Variants in ZZZ3 observed in about 807,000 individuals in gnomAD.
ZZZ3 encodes the protein zinc finger ZZ-type containing 3.
Under a neutral mutation model 95.2 loss-of-function variants are expected in ZZZ3, and 22 were observed. The ratio of observed to expected loss-of-function variants is 0.23; its 90% CI spans 0.17 to 0.33. ZZZ3 has a LOEUF of 0.33. Ranked by LOEUF, ZZZ3 falls within the 10% of genes least tolerant of loss-of-function variation. The probability of loss-of-function intolerance (pLI) is 1.00; values close to 1 mark genes in which losing one functional copy is unlikely to be tolerated. For missense variants in ZZZ3, 885 were observed against 1,066.5 expected (o/e 0.83, Z 2.37); for synonymous variants, 335 against 358.9 (o/e 0.93, Z 0.75).
chr1:77,661,575 G>A (rs1004283059), intron 1 of ZZZ3, among the ~76,000 whole-genome samples: 1 of 152,150 alleles, frequency 6.6e-6, no homozygotes, highest in African/African-American at 2.4e-5. Flanking sequence ...ATGATTAAGG[G>A]CATTGCAGTT....
chr1:77,665,522 T>C (rs1396309963), intron 1 of ZZZ3, among the ~76,000 whole-genome samples: 5 of 152,172 alleles, frequency 3.3e-5, no homozygotes, highest in African/African-American at 1.2e-4. Context: ...TCCTAAATAT[T>C]TTTAAGTTCC....
intron 1 of ZZZ3, among the ~76,000 whole-genome samples, chr1:77,667,763 CTT>C (rs34939314): frequency 2.9e-3 from 331 of 115,070 alleles, no homozygotes; most frequent in African/African-American, 8.7e-3. Context: ...AATGGGTATT[CTT>C]TTTTTTTTTT....
chr1:77,566,123 G>C lies in ZZZ3; in HGVS notation c.2525C>G (p.Pro842Arg), dbSNP rs947684521. ...QGVRWHCQDC[P>R]PEMSLDFCDS... ...ACAGAAATCCAAAGACATTTCTGGA[G>C]GACAATCCTGGCAATGCCACCGAAC... The change falls in exon 14 of 15, where the codon CCT becomes CGT. Residue 842 changes from proline to arginine, a missense_variant. Pro to Arg is a moderately radical substitution (Grantham distance 103). Coordinates refer to ENST00000370801, the MANE Select transcript of ZZZ3 (RefSeq NM_015534.6). 9 of 1,613,254 alleles carry C rather than the reference G, an allele frequency of 5.6e-6. No individual in the cohort carries two copies. In the African/African-American group the frequency reaches 1.1e-4, roughly 19 times the overall value.
At chr1:77,607,919 CAAAAA>C (rs552924354) in intron 5 of ZZZ3, among the ~76,000 whole-genome samples, 1 of 56,986 alleles carries the variant, frequency 1.8e-5, no homozygotes, top group Non-Finnish European at 3.5e-5. Context: ...GACTCTGTCT[CAAAAA>C]AAAAAAAAAA....
At chr1:77,644,257 G>T (rs923226984) in intron 1 of ZZZ3, among the ~76,000 whole-genome samples, 1 of 151,942 alleles carries the variant, frequency 6.6e-6, no homozygotes, top group African/African-American at 2.4e-5. Flanking sequence ...GTAGAGATGG[G>T]GTTTTGCCAT....
At chr1:77,611,232 C>A (rs1333083481) in intron 5 of ZZZ3, among the ~76,000 whole-genome samples, 158 of 57,152 alleles carry the variant, frequency 2.8e-3, no homozygotes, top group South Asian at 6.0e-3. Context: ...AAATACCTAC[C>A]AAAAAAAAAA....
At chr1:77,611,048 A>G (rs1665744248) in intron 5 of ZZZ3, among the ~76,000 whole-genome samples, 1 of 151,984 alleles carries the variant, frequency 6.6e-6, no homozygotes, top group Non-Finnish European at 1.5e-5. Flanking sequence ...TGCAGATGAC[A>G]TGATCTTATA....
intron 1 of ZZZ3, among the ~76,000 whole-genome samples, chr1:77,652,676 T>C (rs895878271): frequency 1.3e-5 from 2 of 152,178 alleles, no homozygotes; most frequent in Non-Finnish European, 2.9e-5. Context: ...TCATAATAGT[T>C]ATAAAGTGGA....
At chr1:77,611,319 C>T (rs190341483) in intron 5 of ZZZ3, among the ~76,000 whole-genome samples, 12 of 148,218 alleles carry the variant, frequency 8.1e-5, no homozygotes, top group South Asian at 2.1e-4. Flanking sequence ...AAGAACTCTA[C>T]GCTGAAAACT....
intron 11 of ZZZ3, among the ~76,000 whole-genome samples, chr1:77,577,847 C>G (rs1300234173): frequency 2.0e-5 from 3 of 152,186 alleles, no homozygotes; most frequent in Non-Finnish European, 4.4e-5. Context: ...TCTTGAACTC[C>G]TGACCTCGTG....
chr1:77,598,442 T>A (rs938819024), intron 5 of ZZZ3, among the ~76,000 whole-genome samples: 1 of 152,084 alleles, frequency 6.6e-6, no homozygotes, highest in Non-Finnish European at 1.5e-5. Flanking sequence ...AATTTGCACA[T>A]AAGTGGACCT....
chr1:77,579,497 C>T, intron 10 of ZZZ3, 30 bp downstream of exon 10: 1 of 1,496,890 alleles, frequency 6.7e-7, no homozygotes, highest in Non-Finnish European at 9.2e-7. Context: ...CAAAAGCATA[C>T]CAGCAATCTG....
intron 1 of ZZZ3, among the ~76,000 whole-genome samples, chr1:77,653,872 T>G (rs554626566): frequency 6.6e-6 from 1 of 151,976 alleles, no homozygotes; most frequent in East Asian, 1.9e-4. Flanking sequence ...ACTCAAGAAA[T>G]TATTTCTTAA....
intron 5 of ZZZ3, among the ~76,000 whole-genome samples, chr1:77,616,140 T>TC (rs1176895637): frequency 6.6e-6 from 1 of 152,114 alleles, no homozygotes; most frequent in Non-Finnish European, 1.5e-5. Flanking sequence ...CATGACTCTT[T>TC]CCCCCCTCAA....
chr1:77,670,692 T>G (rs1671697229), intron 1 of ZZZ3, among the ~76,000 whole-genome samples: 2 of 151,326 alleles, frequency 1.3e-5, no homozygotes, highest in Admixed American at 6.6e-5. Flanking sequence ...CAGACTTATA[T>G]GAAAGTTATC....
At chr1:77,626,630 G>C (rs2100817913) in intron 5 of ZZZ3, among the ~76,000 whole-genome samples, 1 of 152,290 alleles carries the variant, frequency 6.6e-6, no homozygotes, top group Non-Finnish European at 1.5e-5. Context: ...GCCATGGACT[G>C]GTTGGGGACC....
intron 5 of ZZZ3, among the ~76,000 whole-genome samples, chr1:77,601,251 T>G (rs373823160): frequency 6.6e-6 from 1 of 152,190 alleles, no homozygotes; most frequent in African/African-American, 2.4e-5. Context: ...CCAAACCGAC[T>G]ACTAATGAAG....
chr1:77,594,924 A>G (rs1465034769), intron 5 of ZZZ3, among the ~76,000 whole-genome samples: 1 of 140,014 alleles, frequency 7.1e-6, no homozygotes, highest in African/African-American at 2.5e-5. Context: ...ACAGGCCCAA[A>G]AAAAAAAAAA....
At chr1:77,644,987 C>T (rs1387453039) in intron 1 of ZZZ3, among the ~76,000 whole-genome samples, 1 of 152,058 alleles carries the variant, frequency 6.6e-6, no homozygotes, top group East Asian at 1.9e-4. Flanking sequence ...CTTTAAGAGA[C>T]CGAGGCAGAA....
Sources: gnomAD v4.1 joint callset for allele counts (sites outside exome capture counted in the v4.1 genomes callset) on GRCh38, gnomAD v4.1.1 for gene constraint, MANE v1.5 for transcripts, NCBI Gene and HGNC (gene_info 2026-07-23, HGNC 2026-07-21) for gene names.